ACSM3: variants seen among roughly 807,000 people sequenced by gnomAD.
ACSM3 encodes the protein acyl-CoA synthetase medium chain family member 3.
Under a neutral mutation model 74.1 loss-of-function variants are expected in ACSM3, and 61 were observed. The observed-to-expected ratio is 0.82, with a 90% confidence interval of 0.67 to 1.02. The LOEUF is 1.02. Ranked by LOEUF, ACSM3 falls within the 50% of genes least tolerant of loss-of-function variation. The probability of loss-of-function intolerance (pLI) is 0.00; values close to 1 mark genes in which losing one functional copy is unlikely to be tolerated. For missense variants in ACSM3, 660 were observed against 697.0 expected, an observed-to-expected ratio of 0.95 and a Z score of 0.60; for synonymous variants, 213 against 241.5, an observed-to-expected ratio of 0.88 and a Z score of 1.09.
chr16:20,693,111 A>C (rs1461587327), intron 1 of ACSM3, among the ~76,000 whole-genome samples: 1 of 151,800 alleles, frequency 6.6e-6, no homozygotes, highest in Non-Finnish European at 1.5e-5. Context: ...CGGAGGTTGC[A>C]GTGAGCCGAG....
chr16:20,731,662 T>C (rs1035048013), intron 1 of ACSM3: 5 of 398,086 alleles, frequency 1.3e-5, no homozygotes, highest in African/African-American at 4.3e-5. Flanking sequence ...CTGTAAGTCC[T>C]ACAGCCTAGA....
At chr16:20,680,374 C>T (rs1193723183) in intron 1 of ACSM3, 2 of 152,192 alleles carry the variant, frequency 1.3e-5, no homozygotes, top group East Asian at 3.8e-4. Flanking sequence ...TAAGCCAGTG[C>T]CTGAGCTTCC....
chr16:20,791,913 G>A (rs938427984), intron 10 of ACSM3, 89 bp from the exon 11 acceptor site: 3 of 1,492,782 alleles, frequency 2.0e-6, no homozygotes, highest in African/African-American at 1.4e-5. Flanking sequence ...GGGTAACAGA[G>A]TGAGACTGTC....
intron 9 of ACSM3, among the ~76,000 whole-genome samples, chr16:20,787,377 A>G (rs1457735591): frequency 6.6e-6 from 1 of 152,206 alleles, no homozygotes; most frequent in African/African-American, 2.4e-5. Context: ...ACCCATCTGT[A>G]CGTTAAGAGA....
chr16:20,795,497 C>G (rs897681982), intron 12 of ACSM3, among the ~76,000 whole-genome samples: 1 of 152,168 alleles, frequency 6.6e-6, no homozygotes, highest in Non-Finnish European at 1.5e-5. Flanking sequence ...ATCTTTACTC[C>G]CAGATCAAAG....
At chr16:20,699,520 A>T (rs975717669) in intron 1 of ACSM3, among the ~76,000 whole-genome samples, 2 of 152,200 alleles carry the variant, frequency 1.3e-5, no homozygotes, top group African/African-American at 4.8e-5. Flanking sequence ...TTGACTGGCC[A>T]TGGTAAGCTA....
chr16:20,717,368 A>C (rs906785232), intron 1 of ACSM3, among the ~76,000 whole-genome samples: 1 of 152,264 alleles, frequency 6.6e-6, no homozygotes, highest in Non-Finnish European at 1.5e-5. Context: ...GGACAGTCTT[A>C]CCGGAAGCAC....
intron 1 of ACSM3, chr16:20,725,222 A>C (rs1034062638): frequency 5.1e-5 from 8 of 155,554 alleles, no homozygotes; most frequent in African/African-American, 1.9e-4. Flanking sequence ...CTCAGAAATA[A>C]ATATTTGTTT....
chr16:20,737,229 G>A (rs757090312), intron 1 of ACSM3: 1 of 1,614,080 alleles, frequency 6.2e-7, no homozygotes, highest in African/African-American at 1.3e-5. Context: ...TACTACCACT[G>A]TGTACTGTGG....
chr16:20,764,909 G>A (rs1166515387), intron 1 of ACSM3, among the ~76,000 whole-genome samples: 1 of 152,164 alleles, frequency 6.6e-6, no homozygotes, highest in Non-Finnish European at 1.5e-5. Context: ...GGTGGTCAAG[G>A]GCAGCTGCAA....
chr16:20,675,003 A>G lies in ACSM3; in HGVS notation c.-190+181A>G, dbSNP rs868415264. The stretch of plus-strand genomic sequence containing the variant: ...AGTGAAAGTGGTTCACTGGTGGAGA[A>G]AATGGGCCGATACAGCGGCAAGTGC... On this transcript the variant is annotated intron_variant, in intron 1 of 3. Coordinates refer to the ACSM3 transcript ENST00000561584. 2.2e-4 allele frequency among the ~76,000 whole-genome samples: 33 copies of G among 152,318 alleles called. 1 individual carries two copies. In the East Asian group the frequency reaches 4.4e-3, roughly 20 times the overall value.
At chr16:20,756,431 T>G (rs909468746) in intron 3 of ACSM3, among the ~76,000 whole-genome samples, 1 of 152,034 alleles carries the variant, frequency 6.6e-6, no homozygotes, top group Non-Finnish European at 1.5e-5. Flanking sequence ...ATAAATGTCT[T>G]CTTTTGAGAA....
At chr16:20,737,962 GA>G (rs751523219) in intron 1 of ACSM3, 2,928 of 1,229,866 alleles carry the variant, frequency 2.4e-3, no homozygotes, top group South Asian at 4.2e-3. Context: ...AGGCTCTTAA[GA>G]AAAAAAAAAA....
chr16:20,719,406 G>A (rs757091678), intron 1 of ACSM3: 25 of 239,084 alleles, frequency 1.0e-4, no homozygotes, highest in Non-Finnish European at 1.7e-4. Flanking sequence ...CCTCCAGCTA[G>A]ATAGATCTTT....
intron 1 of ACSM3, among the ~76,000 whole-genome samples, chr16:20,723,041 AC>A (rs543172964): frequency 1.1e-3 from 162 of 150,314 alleles, no homozygotes; most frequent in African/African-American, 3.8e-3. Context: ...TCCCTCCCCC[AC>A]CCCACAACAG....
chr16:20,741,481 G>GGGGGGGGGGCGCCCCC, intron 1 of ACSM3: 1 of 1,308,412 alleles, frequency 7.6e-7, no homozygotes, highest in Non-Finnish European at 9.9e-7. Context: ...CTGGCAGCCG[G>GGGGGGGGGGCGCCCCC]CCCGCCCGCC....
At chr16:20,795,101 A>T (rs958426543) in intron 12 of ACSM3, among the ~76,000 whole-genome samples, 1 of 152,238 alleles carries the variant, frequency 6.6e-6, no homozygotes, top group African/African-American at 2.4e-5. Flanking sequence ...AAGTGAATGG[A>T]ACAAAATTAT....
At chr16:20,770,347 C>G in intron 2 of ACSM3, 94 bp downstream of exon 2, 1 of 1,127,320 alleles carries the variant, frequency 8.9e-7, no homozygotes, top group Non-Finnish European at 1.3e-6. Flanking sequence ...ATTTTTGTTG[C>G]CATGATAGGG....
intron 1 of ACSM3, among the ~76,000 whole-genome samples, chr16:20,739,852 G>A (rs2079902294): frequency 6.6e-6 from 1 of 151,774 alleles, no homozygotes; most frequent in Non-Finnish European, 1.5e-5. Flanking sequence ...AAAATGTGGA[G>A]GAAGAGGGAA....
Sources: allele counts gnomAD v4.1 joint callset (sites outside exome capture counted in the v4.1 genomes callset), GRCh38; gene constraint gnomAD v4.1.1; transcripts MANE v1.5; gene names NCBI Gene and HGNC (gene_info 2026-07-23, HGNC 2026-07-21).